ZNG1A: variants seen among roughly 807,000 people sequenced by gnomAD.
ZNG1A encodes the protein Zn regulated GTPase metalloprotein activator 1A, also known as zinc-regulated GTPase metalloprotein activator 1A.
At chr9:176,421 T>C in the ZNG1A span, among the ~76,000 whole-genome samples, 1 of 148,732 alleles carries the variant, frequency 6.7e-6, no homozygotes, top group African/African-American at 2.5e-5. Flanking sequence ...GTTGGACATT[T>C]GGTTTGTTTC....
At chr9:164,679 AT>A in the ZNG1A span, among the ~76,000 whole-genome samples, 1 of 145,480 alleles carries the variant, frequency 6.9e-6, no homozygotes, top group Non-Finnish European at 1.5e-5. Context: ...ACCAAACCAC[AT>A]ACCCTGATTA....
the ZNG1A span, among the ~76,000 whole-genome samples, chr9:131,788 T>C: frequency 6.7e-6 from 1 of 149,832 alleles, no homozygotes; most frequent in African/African-American, 2.5e-5. Context: ...ACACAGTATC[T>C]TCCCGCATGG....
At chr9:129,738 T>C in the ZNG1A span, among the ~76,000 whole-genome samples, 1 of 150,758 alleles carries the variant, frequency 6.6e-6, no homozygotes, top group Non-Finnish European at 1.5e-5. Context: ...AGAGGTCTGC[T>C]ATGTAACAAT....
At chr9:178,068 T>C in the ZNG1A span, among the ~76,000 whole-genome samples, 2 of 150,690 alleles carry the variant, frequency 1.3e-5, no homozygotes, top group African/African-American at 5.0e-5. Flanking sequence ...GCCATATATT[T>C]GTTCTAGCCC....
At chr9:175,930 A>G in the ZNG1A span, 1 of 1,343,724 alleles carries the variant, frequency 7.4e-7, no homozygotes, top group Non-Finnish European at 9.8e-7. Context: ...GGATAAGATT[A>G]AAGCATCCTT....
chr9:152,600 G>A, the ZNG1A span, among the ~76,000 whole-genome samples: 13 of 151,306 alleles, frequency 8.6e-5, no homozygotes, highest in Admixed American at 7.9e-4. Flanking sequence ...GAATAACCTC[G>A]TCAGTTACCT....
the ZNG1A span, chr9:146,078 G>C: frequency 6.7e-7 from 1 of 1,502,686 alleles, no homozygotes. Flanking sequence ...AACAATAAAA[G>C]TAACCAAATT....
the ZNG1A span, chr9:146,357 C>T: frequency 2.2e-5 from 10 of 458,308 alleles, no homozygotes; most frequent in South Asian, 2.0e-4. Flanking sequence ...TTCTTTAAAA[C>T]TTTCAATTAT....
chr9:164,612 GA>G, the ZNG1A span, among the ~76,000 whole-genome samples: 1 of 148,602 alleles, frequency 6.7e-6, no homozygotes, highest in African/African-American at 2.5e-5. Flanking sequence ...TGGGTCTTAG[GA>G]AAAATTTTTC....
chr9:130,332 G>A, the ZNG1A span, among the ~76,000 whole-genome samples: 1 of 137,286 alleles, frequency 7.3e-6, no homozygotes, highest in Non-Finnish European at 1.5e-5. Context: ...AATAAATTTA[G>A]TCTTCAAAAA....
the ZNG1A span, among the ~76,000 whole-genome samples, chr9:141,713 G>C: frequency 9.0e-6 from 1 of 110,836 alleles, no homozygotes; most frequent in South Asian, 3.0e-4. Context: ...AATGTAAATG[G>C]ACTAAATGCT....
chr9:165,467 T>A, the ZNG1A span, among the ~76,000 whole-genome samples: 3 of 135,458 alleles, frequency 2.2e-5, no homozygotes, highest in Non-Finnish European at 4.6e-5. Flanking sequence ...GAGAAAGATC[T>A]ATTTAAAATT....
At chr9:127,323 T>C in the ZNG1A span, among the ~76,000 whole-genome samples, 738 of 152,234 alleles carry the variant, frequency 4.8e-3, 8 homozygotes, top group African/African-American at 0.017. Context: ...TCTAATTTTT[T>C]AGGTCTATTA....
the ZNG1A span, among the ~76,000 whole-genome samples, chr9:139,307 T>A: frequency 1.2e-4 from 18 of 150,444 alleles, 2 homozygotes; most frequent in African/African-American, 4.2e-4. Context: ...GTCAGGTAAT[T>A]AAAATAGTCA....
chr9:172,070 T>C, the ZNG1A span: 2 of 1,610,868 alleles, frequency 1.2e-6, no homozygotes, highest in African/African-American at 1.3e-5. Context: ...ATTAATAATC[T>C]CACTTCTTAC....
chr9:156,530 A>T, the ZNG1A span: 1 of 1,595,908 alleles, frequency 6.3e-7, no homozygotes. Context: ...GTTAAATGCT[A>T]AACAAAAAAA....
At chr9:148,061 TAAATAAAAATAA>T in the ZNG1A span, 1 of 144,190 alleles carries the variant, frequency 6.9e-6, no homozygotes, top group Admixed American at 7.0e-5. Context: ...AAGATAAAAA[TAAATAAAAATAA>T]AAATAAAAAT....
At chr9:141,196 C>T in the ZNG1A span, among the ~76,000 whole-genome samples, 2 of 136,018 alleles carry the variant, frequency 1.5e-5, no homozygotes, top group African/African-American at 5.8e-5. Context: ...GAGAATGCCA[C>T]AAAGATACTC....
At chr9:172,411 A>G in the ZNG1A span, 3 of 408,084 alleles carry the variant, frequency 7.4e-6, no homozygotes, top group Non-Finnish European at 1.3e-5. Context: ...TATCAAAATT[A>G]AAAGCAGAGG....
Sources: allele counts gnomAD v4.1 joint callset (sites outside exome capture counted in the v4.1 genomes callset), GRCh38; gene constraint gnomAD v4.1.1; transcripts MANE v1.5; gene names NCBI Gene and HGNC (gene_info 2026-07-23, HGNC 2026-07-21).